Variants in TNFRSF10A observed in about 807,000 individuals in gnomAD.
The protein encoded by TNFRSF10A is tumor necrosis factor receptor superfamily member 10A.
In TNFRSF10A, 44 loss-of-function variants were observed where a neutral mutation model predicts 42.8. The observed-to-expected ratio is 1.03, with a 90% CI of 0.81 to 1.32. The LOEUF is 1.32. Ranked by LOEUF, TNFRSF10A falls within the 40% of genes most tolerant of loss-of-function variation. The pLI is 0.00. For missense variants in TNFRSF10A, 680 were observed against 602.0 expected, an observed-to-expected ratio of 1.13 and a Z score of -1.36; for synonymous variants, 259 against 234.2, an observed-to-expected ratio of 1.11 and a Z score of -0.97.
At chr8:23,208,422 T>C (rs895256895) in intron 2 of TNFRSF10A, among the ~76,000 whole-genome samples, 2 of 152,172 alleles carry the variant, frequency 1.3e-5, no homozygotes, top group African/African-American at 4.8e-5. Context: ...GGATAAAACT[T>C]ACTTGGTCCT....
chr8:23,197,977 C>T (rs1482654127), intron 8 of TNFRSF10A, among the ~76,000 whole-genome samples: 2 of 151,898 alleles, frequency 1.3e-5, no homozygotes, highest in Non-Finnish European at 2.9e-5. Context: ...GTCAAAGCAC[C>T]TTATCAAGCT....
At chr8:23,201,060 A>G (rs1800907203) in intron 4 of TNFRSF10A, among the ~76,000 whole-genome samples, 1 of 152,084 alleles carries the variant, frequency 6.6e-6, no homozygotes, top group Admixed American at 6.5e-5. Context: ...CGTTAGGAGG[A>G]ATCACACTCC....
chr8:23,216,578 C>A (rs2128851286), intron 1 of TNFRSF10A, among the ~76,000 whole-genome samples: 1 of 152,048 alleles, frequency 6.6e-6, no homozygotes, highest in Admixed American at 6.6e-5. Flanking sequence ...CCTATCTGTA[C>A]TAAAAATACA....
rs2128848339 is a variant in TNFRSF10A at position 23,202,718 on chromosome 8, T to C, written c.447A>G (p.Thr149=). The C allele has an allele frequency of 1.2e-6, 2 of 1,614,034 alleles. No individual in the cohort carries two copies. The highest frequency in any genetic ancestry group is 8.5e-7 in the Non-Finnish European group (1 of 1,179,936). Residue 149 remains threonine (T), a synonymous_variant, in exon 3 of 10, where the codon ACA becomes ACG. Coordinates refer to ENST00000221132, the MANE Select transcript of TNFRSF10A (RefSeq NM_003844.4). Reference sequence around the variant, plus strand: ...AAGCATTGGTGTAACCCACACCCTCTGTGCACCGGTTACAGGCTCCAGGAT... The same window carrying C: ...AAGCATTGGTGTAACCCACACCCTCCGTGCACCGGTTACAGGCTCCAGGAT... ...SEHPGACNRC[T]EGVGYTNASN...
At position 23,200,566 on chromosome 8, in the gene TNFRSF10A, C is replaced by G; in HGVS notation, c.738G>C (p.Val246=). 1 of 1,614,180 alleles carries G rather than the reference C, an allele frequency of 6.2e-7. No individual in the cohort carries two copies. The highest frequency in any genetic ancestry group is 8.5e-7 in the Non-Finnish European group (1 of 1,179,998). ...CCAACAGCAACGGAACAACCAAAGT[C>G]ACAACCAAAATCACCCATATATTAT... ...NGHNIWVILV[V]TLVVPLLLVA... Residue 246 remains valine (V), a synonymous_variant, in exon 6 of 10, where the codon GTG becomes GTC. Transcript: ENST00000221132.
At chr8:23,224,662 C>T (rs1337334049) in intron 1 of TNFRSF10A, 94 bp downstream of exon 1, 2 of 1,438,174 alleles carry the variant, frequency 1.4e-6, no homozygotes, top group East Asian at 2.5e-5. Context: ...ACAAGTGACC[C>T]GGGCCAGGCA....
intron 2 of TNFRSF10A, among the ~76,000 whole-genome samples, chr8:23,209,813 G>C (rs948512519): frequency 6.6e-6 from 1 of 152,212 alleles, no homozygotes; most frequent in South Asian, 2.1e-4. Context: ...GTGAACTTCC[G>C]AGCTAATGCT....
intron 6 of TNFRSF10A, 43 bp downstream of exon 6, chr8:23,200,462 G>A: frequency 1.9e-6 from 3 of 1,602,284 alleles, no homozygotes; most frequent in Non-Finnish European, 2.6e-6. Flanking sequence ...GAAGAAGGCA[G>A]GGCAGAGAGT....
At chr8:23,198,625 AAAAAG>A (rs931729769) in intron 8 of TNFRSF10A, among the ~76,000 whole-genome samples, 1 of 152,204 alleles carries the variant, frequency 6.6e-6, no homozygotes, top group Non-Finnish European at 1.5e-5. Flanking sequence ...AAAAAGAAAA[AAAAAG>A]AAAAGAAAAA....
chr8:23,205,043 G>C (rs895019313), intron 2 of TNFRSF10A, among the ~76,000 whole-genome samples: 10 of 151,914 alleles, frequency 6.6e-5, no homozygotes, highest in Non-Finnish European at 1.3e-4. Context: ...TATAGATAAA[G>C]CAAGCAGAAG....
chr8:23,212,113 T>C lies in TNFRSF10A; in HGVS notation c.403+3A>G, dbSNP rs766974396. ...AGGATTAGAGATCAGTCTTAGAATG[T>C]ACCTGGTGGACACAACTCTCCCAAA... On this transcript the variant is annotated splice_donor_region_variant and intron_variant, in intron 2 of 9. Transcript: ENST00000221132. The C allele has an allele frequency of 1.2e-6, 2 of 1,612,152 alleles. No homozygotes were observed. The highest frequency in any genetic ancestry group is 4.5e-5 in the East Asian group (2 of 44,818).
intron 1 of TNFRSF10A, chr8:23,224,511 CG>C: frequency 5.5e-6 from 3 of 541,798 alleles, no homozygotes; most frequent in Non-Finnish European, 6.5e-6. Context: ...CAGCAGCCAA[CG>C]GGGTGGAGTC....
intron 1 of TNFRSF10A, among the ~76,000 whole-genome samples, chr8:23,220,046 G>A (rs565067992): frequency 6.6e-6 from 1 of 152,180 alleles, no homozygotes; most frequent in South Asian, 2.1e-4. Flanking sequence ...ATCCCCTCCT[G>A]GCCACAGGCG....
chr8:23,193,732 A>G (rs1800785113), intron 9 of TNFRSF10A, among the ~76,000 whole-genome samples: 2 of 152,078 alleles, frequency 1.3e-5, no homozygotes, highest in Non-Finnish European at 1.5e-5. Flanking sequence ...CAGTCTGGAC[A>G]CTCTTGGAGC....
intron 3 of TNFRSF10A, 119 bp from the exon 4 acceptor site, chr8:23,202,038 G>C (rs1315166735): frequency 8.2e-6 from 7 of 851,948 alleles, no homozygotes; most frequent in Non-Finnish European, 1.3e-5. Flanking sequence ...AAGGAGTTCT[G>C]AGGGCCAGAT....
chr8:23,197,324 TGGAG>T, intron 8 of TNFRSF10A, 120 bp from the exon 9 acceptor site: 4 of 1,211,738 alleles, frequency 3.3e-6, no homozygotes, highest in Middle Eastern at 2.0e-4. Context: ...TGGGTCACCA[TGGAG>T]ATGGTGAAAA....
At chr8:23,197,499 T>A (rs1028987882) in intron 8 of TNFRSF10A, among the ~76,000 whole-genome samples, 1 of 152,148 alleles carries the variant, frequency 6.6e-6, no homozygotes, top group Non-Finnish European at 1.5e-5. Flanking sequence ...CTTATGAGAA[T>A]CTTATGCCTG....
chr8:23,222,953 G>A (rs896505872), intron 1 of TNFRSF10A, among the ~76,000 whole-genome samples: 4 of 152,152 alleles, frequency 2.6e-5, no homozygotes, highest in African/African-American at 9.7e-5. Context: ...ACCAGTGGAA[G>A]TTTCCTGAGG....
intron 2 of TNFRSF10A, among the ~76,000 whole-genome samples, chr8:23,211,806 GAT>G (rs1286373570): frequency 2.0e-5 from 3 of 152,308 alleles, no homozygotes; most frequent in African/African-American, 7.2e-5. Context: ...ATGGCAACTG[GAT>G]AGCCACATGC....
Sources: allele counts gnomAD v4.1 joint callset (sites outside exome capture counted in the v4.1 genomes callset), GRCh38; gene constraint gnomAD v4.1.1; transcripts MANE v1.5; gene names NCBI Gene and HGNC (gene_info 2026-07-23, HGNC 2026-07-21).